The following ANTXRL variants were observed in gnomAD, a reference collection of about 807,000 sequenced individuals.
ANTXRL encodes the protein anthrax toxin receptor-like.
ANTXRL carries 63 observed loss-of-function variants against 75.4 expected under a neutral mutation model. The observed-to-expected ratio is 0.84, with a 90% CI of 0.68 to 1.03. The LOEUF (loss-of-function observed/expected upper bound fraction) is 1.03, where lower values mean the gene tolerates loss of function less well. ANTXRL is among the 50% of genes least tolerant of loss of function. The pLI is 0.00. For synonymous variants in ANTXRL, 335 were observed against 291.3 expected (o/e 1.15, Z -1.53); for missense variants, 797 against 789.4 (o/e 1.01, Z -0.12).
At chr10:46,291,156 A>G (rs746253982) in intron 1 of ANTXRL, among the ~76,000 whole-genome samples, 2 of 152,252 alleles carry the variant, frequency 1.3e-5, no homozygotes, top group African/African-American at 2.4e-5. Context: ...TAGACATCCA[A>G]TTTTCCCTGC....
At chr10:46,313,376 A>G (rs1192909111) in intron 16 of ANTXRL, 60 bp downstream of exon 16, 33 of 1,473,818 alleles carry the variant, frequency 2.2e-5, no homozygotes, top group Middle Eastern at 1.7e-4. Flanking sequence ...TCCCCTGACC[A>G]CTGTCCTCTG....
intron 12 of ANTXRL, among the ~76,000 whole-genome samples, chr10:46,307,996 G>A (rs1408615486): frequency 5.9e-5 from 9 of 152,166 alleles, no homozygotes; most frequent in African/African-American, 2.2e-4. Context: ...TCAGCTCCAA[G>A]AGGCCCCTGG....
chr10:46,330,065 C>G lies in ANTXRL; in HGVS notation c.1877C>G (p.Pro626Arg), dbSNP rs202218897. Residue 626 changes from proline to arginine, a missense_variant, in exon 17 of 17, where the codon CCC becomes CGC. Physicochemically the swap from Pro to Arg is moderately radical, Grantham distance 103. Around this residue, in one of 3 missense-constraint regions of ANTXRL, gnomAD observed 479 missense variants for 422.0 expected, o/e 1.14. Transcript: ENST00000620264. ...HTAEPPLSLPPSEPNF is the reference protein window; with the variant it reads ...HTAEPPLSLPRSEPNF Reference sequence around the variant, plus strand: ...GCAGAACCCCCTTTGTCACTCCCCCCCTCAGAGCCCAACTTCTAAGGCACC... The same window carrying G: ...GCAGAACCCCCTTTGTCACTCCCCCGCTCAGAGCCCAACTTCTAAGGCACC... 3.7e-5 allele frequency: 57 copies of G among 1,520,662 alleles called. No homozygotes were observed. The highest frequency in any genetic ancestry group is 8.0e-5 in the Admixed American group (4 of 50,116). 94.2% of individuals were successfully genotyped at this position (1,520,662 alleles called of 1,614,324 possible). A position where few individuals can be genotyped will look rare whatever the true frequency, so the allele number is the denominator to read the frequency against.
intron 9 of ANTXRL, among the ~76,000 whole-genome samples, chr10:46,301,011 C>T (rs1456847169): frequency 7.9e-6 from 1 of 126,108 alleles, no homozygotes; most frequent in Non-Finnish European, 1.6e-5. Flanking sequence ...TTCATCCATC[C>T]ACCTTGAAAA....
At chr10:46,305,705 T>C (rs1838038487) in intron 10 of ANTXRL, among the ~76,000 whole-genome samples, 1 of 151,860 alleles carries the variant, frequency 6.6e-6, no homozygotes, top group Non-Finnish European at 1.5e-5. Flanking sequence ...GTTCCATGTC[T>C]ACACATTACC....
At chr10:46,292,172 C>A in intron 2 of ANTXRL, 43 bp downstream of exon 2, 1 of 1,529,002 alleles carries the variant, frequency 6.5e-7, no homozygotes, top group Non-Finnish European at 8.8e-7. Context: ...CTGCAGAGAG[C>A]TTTTCTTCTG....
chr10:46,313,375 C>T (rs1249342251), intron 16 of ANTXRL, 59 bp downstream of exon 16: 6 of 1,475,702 alleles, frequency 4.1e-6, no homozygotes, highest in Middle Eastern at 1.7e-4. Context: ...TTCCCCTGAC[C>T]ACTGTCCTCT....
rs1220411212 is a variant in ANTXRL, at chr10:46,329,786, G to A, written c.1598G>A (p.Cys533Tyr). The change falls in exon 17 of 17, where the codon TGC becomes TAC. Residue 533 changes from cysteine to tyrosine, a missense_variant. Coordinates refer to ENST00000620264, the MANE Select transcript of ANTXRL (RefSeq NM_001278688.3). ...LKQARCSPNI[C>Y]LRHSQHSREC... ...CAGGCTCGCTGCAGCCCAAACATCT[G>A]CCTGAGACACAGCCAACACAGCAGG... is the stretch of plus-strand genomic sequence containing the variant. 6.5e-7 allele frequency: 1 copy of A among 1,533,296 alleles called. No individual in the cohort carries two copies. The allele number at this position is 1,533,296 out of a possible 1,614,324, so 95.0% of individuals were successfully genotyped here. A position where few individuals can be genotyped will look rare whatever the true frequency, so the allele number is the denominator to read the frequency against.
At chr10:46,302,106 C>T (rs1333596241) in intron 9 of ANTXRL, among the ~76,000 whole-genome samples, 1 of 152,170 alleles carries the variant, frequency 6.6e-6, no homozygotes, top group Non-Finnish European at 1.5e-5. Context: ...TCTGGAATCA[C>T]AGCTAAAACA....
intron 12 of ANTXRL, 81 bp from the exon 13 acceptor site, chr10:46,309,032 A>G: frequency 2.0e-6 from 3 of 1,525,046 alleles, no homozygotes; most frequent in Non-Finnish European, 2.6e-6. Context: ...GAGAGTGAGG[A>G]GTGGGCAGAT....
chr10:46,309,343 T>G, intron 13 of ANTXRL, 141 bp downstream of exon 13: 1 of 1,456,436 alleles, frequency 6.9e-7, no homozygotes, highest in Non-Finnish European at 9.1e-7. Context: ...GCCCAGGGAG[T>G]CGCAGACCTG....
At chr10:46,293,576 CGTG>C (rs1565016117) in intron 2 of ANTXRL, among the ~76,000 whole-genome samples, 1 of 57,098 alleles carries the variant, frequency 1.8e-5, no homozygotes, top group African/African-American at 6.5e-5. Flanking sequence ...TGTGTGTGCG[CGTG>C]TGTGTGTGCA....
intron 10 of ANTXRL, among the ~76,000 whole-genome samples, chr10:46,304,130 T>C (rs1837923978): frequency 6.6e-6 from 1 of 152,156 alleles, no homozygotes; most frequent in Non-Finnish European, 1.5e-5. Flanking sequence ...TCTTAGGGAC[T>C]GAGCAGCCCC....
intron 12 of ANTXRL, chr10:46,308,328 A>G (rs1291588710): frequency 4.1e-5 from 16 of 392,558 alleles, no homozygotes; most frequent in Admixed American, 8.7e-5. Flanking sequence ...CCACCTCGCC[A>G]GCGGCCTTCA....
intron 16 of ANTXRL, among the ~76,000 whole-genome samples, chr10:46,316,794 A>T (rs1329058966): frequency 6.6e-6 from 1 of 152,176 alleles, no homozygotes; most frequent in Non-Finnish European, 1.5e-5. Context: ...GATCAGAAAA[A>T]AATCCATTCC....
intron 16 of ANTXRL, among the ~76,000 whole-genome samples, chr10:46,328,449 A>G (rs1389586934): frequency 6.6e-6 from 1 of 152,140 alleles, no homozygotes; most frequent in East Asian, 1.9e-4. Context: ...AGCTCCAGCC[A>G]TCACACTCAT....
At position 46,309,172 on chromosome 10, in the gene ANTXRL, G is replaced by A; in HGVS notation, c.1104G>A (p.Leu368=). 1 of 1,535,832 alleles carries A rather than the reference G, an allele frequency of 6.5e-7. No homozygotes were observed. The highest frequency in any genetic ancestry group is 8.7e-7 in the Non-Finnish European group (1 of 1,146,724). The part of the protein sequence containing the change: ...VPLLLLVPLL[L]CCVWRLCRKQ... ...TCCTGCTGCTTGTGCCACTGCTGCT[G>A]TGTTGTGTCTGGCGGCTGTGCCGCA... The change falls in exon 13 of 17, where the codon CTG becomes CTA. Residue 368 remains leucine, a synonymous_variant. Coordinates refer to ENST00000620264, the MANE Select transcript of ANTXRL (RefSeq NM_001278688.3).
chr10:46,303,210 A>G (rs1210112283), intron 10 of ANTXRL, among the ~76,000 whole-genome samples: 1 of 152,164 alleles, frequency 6.6e-6, no homozygotes, highest in African/African-American at 2.4e-5. Context: ...TCTGAGCCTG[A>G]ATGGCCAGGT....
rs540360146 is a variant in ANTXRL, at chr10:46,287,158, C to A, written c.-105C>A. The stretch of plus-strand genomic sequence containing the variant: ...TGAAAGGGCAGGAGGAGGGGTGTGG[C>A]CCCGGGCATAAGGGGAGGCGGCAAA... On this transcript the variant is annotated 5_prime_UTR_variant, in exon 1 of 17. Transcript: ENST00000620264. 1 of 1,412,100 alleles carries A rather than the reference C, an allele frequency of 7.1e-7. No individual in the cohort carries two copies. The allele number at this position is 1,412,100 out of a possible 1,614,324, so 87.5% of individuals were successfully genotyped here. A position where few individuals can be genotyped will look rare whatever the true frequency, so the allele number is the denominator to read the frequency against.
Sources: gnomAD v4.1 joint callset for allele counts (sites outside exome capture counted in the v4.1 genomes callset) on GRCh38, gnomAD v4.1.1 for gene constraint, gnomAD v4.1.1 regional missense constraint, MANE v1.5 for transcripts, NCBI Gene and HGNC (gene_info 2026-07-23, HGNC 2026-07-21) for gene names.